Variants in PSMB3 observed in about 807,000 individuals in gnomAD.
The protein encoded by PSMB3 is proteasome subunit beta type-3.
PSMB3 carries 5 observed loss-of-function variants against 23.3 expected under a neutral mutation model. The observed-to-expected ratio is 0.21, with a 90% CI of 0.11 to 0.45. PSMB3 has a LOEUF of 0.45. Among genes scored for constraint, PSMB3 ranks in the 20% least tolerant of loss-of-function variants. PSMB3 has a pLI of 0.99. For synonymous variants in PSMB3, 85 were observed against 99.8 expected (o/e 0.85, Z 0.88); for missense variants, 192 against 277.9 (o/e 0.69, Z 2.20).
chr17:38,756,497 C>T (rs1398960878), intron 3 of PSMB3, among the ~76,000 whole-genome samples: 2 of 151,904 alleles, frequency 1.3e-5, no homozygotes, highest in Non-Finnish European at 2.9e-5. Context: ...GTTGAGCTCT[C>T]TTTTTCTTTT....
rs1908487041 is a variant in PSMB3 at position 38,762,512 on chromosome 17, A to G, written c.569+7A>G. The G allele has an allele frequency of 6.2e-7, 1 of 1,611,516 alleles. No individual in the cohort carries two copies. Among genetic ancestry groups the G allele is most frequent in the Admixed American group, 1.7e-5 (1 of 59,986 alleles). On this transcript the variant is annotated splice_region_variant and intron_variant, in intron 5 of 5. Transcript: ENST00000619426. ...GAGTCATTGTCCACATCATGTGAGT[A>G]TGGGCTGGGAGAAGTCTAGAAGCTC...
At position 38,752,880 on chromosome 17, in the gene PSMB3, A is replaced by C. The variant is rs898383064; in HGVS notation, c.3+51A>C. The stretch of plus-strand genomic sequence containing the variant: ...GGCATGGGGAAGGATTGAGAAGCGG[A>C]GGGGGTCAGGAGAGGCTTGGGGACG... On this transcript the variant is annotated intron_variant, in intron 1 of 5. Coordinates refer to ENST00000619426, the MANE Select transcript of PSMB3 (RefSeq NM_002795.4). This position sits in a 1 kb window ranked among gnomAD's most constrained non-coding sequence, Gnocchi z 5.5. 6.2e-7 allele frequency: 1 copy of C among 1,610,314 alleles called. No individual in the cohort carries two copies. Among genetic ancestry groups the C allele is most frequent in the Non-Finnish European group, 8.5e-7 (1 of 1,177,732 alleles).
In PSMB3 at chr17:38,752,957, G is replaced by T; in HGVS notation, c.3+128G>T. 7.1e-7 allele frequency: 1 copy of T among 1,412,242 alleles called. No individual in the cohort carries two copies. Among genetic ancestry groups the T allele is most frequent in the Non-Finnish European group, 9.7e-7 (1 of 1,026,280 alleles). 87.5% of individuals were successfully genotyped at this position (1,412,242 alleles called of 1,614,324 possible). On this transcript the variant is annotated intron_variant, in intron 1 of 5. Transcript: ENST00000619426. The surrounding 1 kb of genome is among the most constrained non-coding windows in gnomAD (Gnocchi z 5.5). ...AGCGGTTTCAGTTCGAGGGGAGCGG[G>T]CCCCGGTGAGGACCAAGAGGGTGAG... is the stretch of plus-strand genomic sequence containing the variant.
Position 38,760,456 on chromosome 17 carries a change from G to A in PSMB3, c.322G>A (p.Val108Ile), listed in dbSNP as rs944346375. Residue 108 changes from valine to isoleucine, a missense_variant, in exon 4 of 6, where the codon GTC becomes ATC. Val to Ile is a conservative substitution (Grantham distance 29). Coordinates refer to ENST00000619426, the MANE Select transcript of PSMB3 (RefSeq NM_002795.4). ...GTTTGGCCCTTACTACACTGAGCCAGTCATTGCCGGGTTGGACCCGAAGAC... is the reference window on the plus strand; with the variant it reads ...GTTTGGCCCTTACTACACTGAGCCAATCATTGCCGGGTTGGACCCGAAGAC... ...KRFGPYYTEPVIAGLDPKTFK... is the reference protein window; with the variant it reads ...KRFGPYYTEPIIAGLDPKTFK... 5.0e-6 allele frequency: 8 copies of A among 1,614,110 alleles called. No individual in the cohort carries two copies. In the South Asian group the frequency reaches 5.5e-5, roughly 11 times the overall value.
intron 3 of PSMB3, 52 bp downstream of exon 3, chr17:38,756,042 G>A (rs763166108): frequency 7.2e-7 from 1 of 1,388,636 alleles, no homozygotes; most frequent in Non-Finnish European, 1.0e-6. Context: ...TTTGAATGTA[G>A]TATGGAGTAG....
In PSMB3 at chr17:38,755,884, G is replaced by A. The variant is rs768555904; in HGVS notation, c.190G>A (p.Ala64Thr). ...TAACTCACTTTTCTCCTACCTCAGTGCCCAGCGCCTCAAGTTCCGGCTGAA... is the reference window on the plus strand; with the variant it reads ...TAACTCACTTTTCTCCTACCTCAGTACCCAGCGCCTCAAGTTCCGGCTGAA... ...AGLATDVQTVAQRLKFRLNLY... is the reference protein window; with the variant it reads ...AGLATDVQTVTQRLKFRLNLY... Residue 64 changes from alanine to threonine, a missense_variant and splice_region_variant, in exon 3 of 6, where the codon GCC becomes ACC. Coordinates refer to ENST00000619426, the MANE Select transcript of PSMB3 (RefSeq NM_002795.4). 6.2e-7 allele frequency: 1 copy of A among 1,613,682 alleles called. No homozygotes were observed. Among genetic ancestry groups the A allele is most frequent in the East Asian group, 2.2e-5 (1 of 44,870 alleles).
chr17:38,757,551 T>C (rs1453772150), intron 3 of PSMB3, among the ~76,000 whole-genome samples: 1 of 151,216 alleles, frequency 6.6e-6, no homozygotes, highest in African/African-American at 2.4e-5. Context: ...GCGTGGTGGC[T>C]CATGCCTGTA....
At chr17:38,762,569 G>A (rs1180135262) in intron 5 of PSMB3, 64 bp downstream of exon 5, 11 of 1,456,502 alleles carry the variant, frequency 7.6e-6, no homozygotes, top group East Asian at 4.6e-5. Context: ...CCTTCTCCAC[G>A]AGCATACACC....
intron 4 of PSMB3, 68 bp from the exon 5 acceptor site, chr17:38,762,343 A>G (rs1049943887): frequency 3.8e-6 from 5 of 1,317,222 alleles, no homozygotes; most frequent in Non-Finnish European, 5.4e-6. Flanking sequence ...TAGAAAAAAG[A>G]GAGTTAAGGG....
chr17:38,759,227 T>C (rs532899347), intron 3 of PSMB3, among the ~76,000 whole-genome samples: 1 of 152,342 alleles, frequency 6.6e-6, no homozygotes, highest in East Asian at 1.9e-4. Flanking sequence ...TTTGTAGACA[T>C]AGGATGCAAA....
intron 2 of PSMB3, 49 bp downstream of exon 2, chr17:38,753,383 C>G: frequency 6.4e-7 from 1 of 1,567,670 alleles, no homozygotes; most frequent in Non-Finnish European, 8.7e-7. Flanking sequence ...CTTGGACCAT[C>G]CAACCCCGGC....
chr17:38,757,034 A>ATTTTT (rs35172699), intron 3 of PSMB3, among the ~76,000 whole-genome samples: 4 of 65,696 alleles, frequency 6.1e-5, no homozygotes, highest in Non-Finnish European at 7.8e-5. Flanking sequence ...CACCTGGCTA[A>ATTTTT]TTTTTTTTTT....
At chr17:38,753,061 C>T (rs1908003406) in intron 1 of PSMB3, 89 bp from the exon 2 acceptor site, 2 of 1,383,456 alleles carry the variant, frequency 1.4e-6, no homozygotes, top group South Asian at 2.8e-5. Flanking sequence ...GGAGAACGGG[C>T]GTACAGGAGC....
At chr17:38,758,612 T>C (rs1311200471) in intron 3 of PSMB3, among the ~76,000 whole-genome samples, 1 of 152,196 alleles carries the variant, frequency 6.6e-6, no homozygotes, top group Non-Finnish European at 1.5e-5. Context: ...CCCTAAGTGC[T>C]GAGATTACAA....
intron 3 of PSMB3, among the ~76,000 whole-genome samples, chr17:38,759,844 G>A (rs1908362921): frequency 6.6e-6 from 1 of 152,058 alleles, no homozygotes; most frequent in African/African-American, 2.4e-5. Flanking sequence ...ACCGCGCCTG[G>A]CCCAAGACTG....
intron 5 of PSMB3, among the ~76,000 whole-genome samples, chr17:38,763,487 C>A (rs1335301977): frequency 6.9e-6 from 1 of 144,426 alleles, no homozygotes; most frequent in Non-Finnish European, 1.5e-5. Context: ...CTTGGAGGAG[C>A]TTCTTCCCCC....
At chr17:38,755,002 C>CTT (rs144817163) in intron 2 of PSMB3, among the ~76,000 whole-genome samples, 2,091 of 147,816 alleles carry the variant, frequency 0.014, 21 homozygotes, top group African/African-American at 0.021. Flanking sequence ...GGTGCTGCCC[C>CTT]CTTTTTTTTT....
At chr17:38,762,945 T>C (rs1908503789) in intron 5 of PSMB3, among the ~76,000 whole-genome samples, 1 of 152,174 alleles carries the variant, frequency 6.6e-6, no homozygotes, top group East Asian at 1.9e-4. Flanking sequence ...CTTTTACTTG[T>C]TTGGGGCCAT....
rs1323462471 is a variant in PSMB3, at chr17:38,760,537, G to A, written c.403G>A (p.Asp135Asn). ...DLIGCPMVTD[D>N]FVVSGTCAEQ... ...CATCGGCTGCCCCATGGTGACTGAT[G>A]ACTTTGTGGTCAGTGGCACCTGCGC... is the stretch of plus-strand genomic sequence containing the variant. Residue 135 changes from aspartate to asparagine, a missense_variant, in exon 4 of 6, where the codon GAC (aspartate) becomes AAC (asparagine). Asp to Asn is a conservative substitution (Grantham distance 23, BLOSUM62 1). Coordinates refer to ENST00000619426, the MANE Select transcript of PSMB3 (RefSeq NM_002795.4). 4 of 1,614,138 alleles carry A rather than the reference G, an allele frequency of 2.5e-6. No individual in the cohort carries two copies. Among genetic ancestry groups the A allele is most frequent in the Non-Finnish European group, 3.4e-6 (4 of 1,180,052 alleles).
Sources: gnomAD v4.1 joint callset for allele counts (sites outside exome capture counted in the v4.1 genomes callset) on GRCh38, gnomAD v4.1.1 for gene constraint, Gnocchi (gnomAD v3.1) non-coding constraint, MANE v1.5 for transcripts, NCBI Gene and HGNC (gene_info 2026-07-23, HGNC 2026-07-21) for gene names.